Variants in CHD8 observed in about 807,000 individuals in gnomAD.
The protein encoded by CHD8 is chromodomain helicase DNA binding protein 8, also known as ATP-dependent chromatin remodeler CHD8.
CHD8 carries 31 observed loss-of-function variants against 279.2 expected under a neutral mutation model. That is an observed-to-expected ratio of 0.11 (90% CI 0.08 to 0.15). The LOEUF is 0.15. Among genes scored for constraint, CHD8 ranks in the 10% least tolerant of loss-of-function variants. CHD8 has a pLI of 1.00. For synonymous variants in CHD8, 1,081 were observed against 1,139.6 expected (o/e 0.95, Z 1.04); for missense variants, 2,146 against 3,230.5 (o/e 0.66, Z 8.14).
intron 5 of CHD8, among the ~76,000 whole-genome samples, chr14:21,424,762 C>T (rs544011952): frequency 1.2e-4 from 18 of 152,304 alleles, no homozygotes; most frequent in African/African-American, 3.4e-4. Context: ...GGAGCTACCG[C>T]GCCTGGCCCA....
chr14:21,389,272 C>T (rs142017737), intron 37 of CHD8, among the ~76,000 whole-genome samples: 11,389 of 150,194 alleles, frequency 0.076, 611 homozygotes, highest in Non-Finnish European at 0.12. Flanking sequence ...TGCACTCCAG[C>T]CTGGGCAACA....
chr14:21,405,668 C>T lies in CHD8; in HGVS notation c.3051+53G>A. 6.3e-7 allele frequency: 1 copy of T among 1,599,114 alleles called. No homozygotes were observed. The highest frequency in any genetic ancestry group is 1.1e-5 in the South Asian group (1 of 89,524). Reference sequence around the variant, plus strand: ...CATGACAACAGATGTCTGCCTTGTACAAACTTCACCTTCTTTGTCCTGAGT... The same window carrying T: ...CATGACAACAGATGTCTGCCTTGTATAAACTTCACCTTCTTTGTCCTGAGT... On this transcript the variant is annotated intron_variant, in intron 15 of 37. Transcript: ENST00000646647. This position sits in a 1 kb window ranked among gnomAD's most constrained non-coding sequence, Gnocchi z 4.2.
intron 4 of CHD8, chr14:21,427,610 C>T (rs1206063828): frequency 2.4e-5 from 35 of 1,458,712 alleles, no homozygotes; most frequent in Non-Finnish European, 3.0e-5. Flanking sequence ...CTTGAGCTTG[C>T]TCTTGCCCTT....
rs1472027518 is a variant in CHD8 at position 21,431,220 on chromosome 14, C to T, written c.424G>A (p.Ala142Thr). The change falls in exon 2 of 38, where the codon GCT (alanine) becomes ACT (threonine). Residue 142 changes from alanine (A) to threonine (T), a missense_variant. Physicochemically the swap from Ala to Thr is moderately conservative, Grantham distance 58. Coordinates refer to ENST00000646647, the MANE Select transcript of CHD8 (RefSeq NM_001170629.2). ...GNPFMGVSAT[A>T]VSSSSAGGQP... ...CCTCCAGCACTACTGGAGGAGACAGCTGTGGCAGAGACACCCATGAAAGGA... is the reference window on the plus strand; with the variant it reads ...CCTCCAGCACTACTGGAGGAGACAGTTGTGGCAGAGACACCCATGAAAGGA... 1 of 1,598,964 alleles carries T rather than the reference C, an allele frequency of 6.3e-7. No homozygotes were observed.
At position 21,430,741 on chromosome 14, in the gene CHD8, CAA is replaced by C. The variant is rs1265640375; in HGVS notation, c.843+58_843+59del. 3 of 1,076,770 alleles carry C rather than the reference CAA, an allele frequency of 2.8e-6. No homozygotes were observed. The African/African-American group carries it at 4.7e-5, about 17-fold the overall frequency. The allele number at this position is 1,076,770 out of a possible 1,614,324, so 66.7% of individuals were successfully genotyped here. On this transcript the variant is annotated intron_variant, in intron 2 of 37. Coordinates refer to ENST00000646647, the MANE Select transcript of CHD8 (RefSeq NM_001170629.2). ...GAAAGCTCTCATGTGCTCACTCTCTCAAAGAGTTGCTGGGCCCTCTATGAAAC... is the reference window on the plus strand; with the variant it reads ...GAAAGCTCTCATGTGCTCACTCTCTCAGAGTTGCTGGGCCCTCTATGAAAC...
chr14:21,405,406 A>G lies in CHD8; in HGVS notation c.3110T>C (p.Val1037Ala). ...PMMLRRLKED[V>A]EKNLAPKQET... is the part of the protein sequence containing the mutation. The stretch of plus-strand genomic sequence containing the variant: ...CTGTTTGGGTGCCAAGTTTTTTTCA[A>G]CATCCTCTTTGAGTCTTCTCAGCAT... Residue 1037 changes from valine (V) to alanine (A), a missense_variant, in exon 16 of 38, where the codon GTT becomes GCT. Transcript: ENST00000646647. This position sits in a 1 kb window ranked among gnomAD's most constrained non-coding sequence, Gnocchi z 4.2. 1 of 1,600,252 alleles carries G rather than the reference A, an allele frequency of 6.2e-7. No homozygotes were observed. Among genetic ancestry groups the G allele is most frequent in the Non-Finnish European group, 8.5e-7 (1 of 1,172,494 alleles).
chr14:21,402,960 T>C lies in CHD8; in HGVS notation c.3714+57A>G. ...AAGGTCTTTCTAAAAGATCCTATTCTTGTTGAAAAATCTCCCAAGTTAGGT... is the reference window on the plus strand; with the variant it reads ...AAGGTCTTTCTAAAAGATCCTATTCCTGTTGAAAAATCTCCCAAGTTAGGT... On this transcript the variant is annotated intron_variant, in intron 18 of 37. Transcript: ENST00000646647. The surrounding 1 kb of genome is among the most constrained non-coding windows in gnomAD (Gnocchi z 4.5). 12 of 1,416,058 alleles carry C rather than the reference T, an allele frequency of 8.5e-6. No individual in the cohort carries two copies. The highest frequency in any genetic ancestry group is 1.2e-5 in the Non-Finnish European group (12 of 1,023,562). 87.7% of individuals were successfully genotyped at this position (1,416,058 alleles called of 1,614,324 possible).
chr14:21,409,446 T>C (rs182671661), intron 11 of CHD8, among the ~76,000 whole-genome samples: 1 of 152,300 alleles, frequency 6.6e-6, no homozygotes, highest in Non-Finnish European at 1.5e-5. Context: ...GAGAACCAAA[T>C]TTAAATGATT....
intron 1 of CHD8, among the ~76,000 whole-genome samples, chr14:21,450,912 G>A (rs1470987329): frequency 6.6e-6 from 1 of 152,082 alleles, no homozygotes; most frequent in Non-Finnish European, 1.5e-5. Context: ...ACATACAAGG[G>A]AGCAATGAAG....
At chr14:21,428,332 G>A in intron 3 of CHD8, 78 bp from the exon 4 acceptor site, 2 of 1,368,864 alleles carry the variant, frequency 1.5e-6, no homozygotes, top group Non-Finnish European at 2.0e-6. Context: ...TGAAGCAGGG[G>A]GGCTAGAAAC....
chr14:21,385,854 TGGGGGTGGG>T lies in CHD8; in HGVS notation c.7496_7504del (p.Pro2499_Pro2501del), dbSNP rs771302334. 1.4e-3 allele frequency: 472 copies of T among 325,604 alleles called. No homozygotes were observed. The highest frequency in any genetic ancestry group is 1.9e-3 in the Non-Finnish European group (422 of 225,888). 20.2% of individuals were successfully genotyped at this position (325,604 alleles called of 1,614,324 possible). ...GCCTGGATGGTGATGGTGGTGATGG[TGGGGGTGGG>T]GGTGGTGGTGGTGGTGATGAAGCAT... On this transcript the variant is annotated inframe_deletion, in exon 38 of 38. Transcript: ENST00000646647.
Position 21,385,666 on chromosome 14 carries a change from CAAT to C in CHD8, c.7690_7692del (p.Ile2564del). On this transcript the variant is annotated inframe_deletion, in exon 38 of 38. Coordinates refer to ENST00000646647, the MANE Select transcript of CHD8 (RefSeq NM_001170629.2). The stretch of plus-strand genomic sequence containing the variant: ...GAGTTAGCTGGCATCATAGGATCAT[CAAT>C]GAGTGAGAAGTCCCTTTCTGAGCTA... 6.4e-7 allele frequency: 1 copy of C among 1,551,970 alleles called. No homozygotes were observed. The highest frequency in any genetic ancestry group is 8.7e-7 in the Non-Finnish European group (1 of 1,147,050).
intron 8 of CHD8, 197 bp downstream of exon 8, chr14:21,414,741 C>T (rs1399007283): frequency 3.2e-6 from 2 of 627,048 alleles, no homozygotes; most frequent in South Asian, 1.9e-5. Context: ...ACCCTCACCC[C>T]ACTTACCTAC....
chr14:21,416,571 GC>G (rs1302228750), intron 5 of CHD8: 33 of 152,006 alleles, frequency 2.2e-4, no homozygotes, highest in African/African-American at 7.7e-4. Context: ...TTTGAGACCA[GC>G]CTGGCCAACA....
At chr14:21,455,473 A>G (rs1685602459) in intron 1 of CHD8, among the ~76,000 whole-genome samples, 1 of 152,240 alleles carries the variant, frequency 6.6e-6, no homozygotes, top group Non-Finnish European at 1.5e-5. Context: ...TCTTCCCACC[A>G]TCTCTAAACA....
At chr14:21,446,606 C>T (rs1255023583) in intron 1 of CHD8, among the ~76,000 whole-genome samples, 1 of 152,210 alleles carries the variant, frequency 6.6e-6, no homozygotes, top group African/African-American at 2.4e-5. Flanking sequence ...AGCCACAGCT[C>T]CTGGCTTCTT....
In CHD8 at chr14:21,397,750, T is replaced by C. The variant is rs61973169; in HGVS notation, c.5051+73A>G. 45,951 of 1,469,390 alleles carry C rather than the reference T, an allele frequency of 0.031. 1,481 individuals are homozygous for C. The highest frequency in any genetic ancestry group is 0.17 in the African/African-American group (12,159 of 71,692). The allele number at this position is 1,469,390 out of a possible 1,614,324, so 91.0% of individuals were successfully genotyped here. ...AGTATAATTACAATTAAGAATCCCA[T>C]TGGGTTCAGTCAAGGCTAGAGTTAT... On this transcript the variant is annotated intron_variant, in intron 27 of 37. Coordinates refer to ENST00000646647, the MANE Select transcript of CHD8 (RefSeq NM_001170629.2).
chr14:21,409,474 C>T (rs981127101), intron 11 of CHD8, among the ~76,000 whole-genome samples: 4 of 152,094 alleles, frequency 2.6e-5, no homozygotes, highest in African/African-American at 9.7e-5. Context: ...AATTAGAAGA[C>T]AATCAGGGAA....
rs778725577 is a variant in CHD8, at chr14:21,408,787, T to G, written c.2403A>C (p.Leu801=). The G allele has an allele frequency of 1.2e-6, 2 of 1,609,806 alleles. No homozygotes were observed. Among genetic ancestry groups the G allele is most frequent in the East Asian group, 2.2e-5 (1 of 44,818 alleles). ...GGTTTCTGTTTTTATATTCATGTGATAGCTCCAATTTCTTCCAGGCACTTG... is the reference window on the plus strand; with the variant it reads ...GGTTTCTGTTTTTATATTCATGTGAGAGCTCCAATTTCTTCCAGGCACTTG... ...PQASAWKKLE[L]SHEYKNRNQL... Residue 801 remains leucine (L), a synonymous_variant, in exon 12 of 38, where the codon CTA becomes CTC. Transcript: ENST00000646647. This position sits in a 1 kb window ranked among gnomAD's most constrained non-coding sequence, Gnocchi z 4.3.
Sources: gnomAD v4.1 joint callset for allele counts (sites outside exome capture counted in the v4.1 genomes callset) on GRCh38, gnomAD v4.1.1 for gene constraint, Gnocchi (gnomAD v3.1) non-coding constraint, MANE v1.5 for transcripts, NCBI Gene and HGNC (gene_info 2026-07-23, HGNC 2026-07-21) for gene names.